The following CLXN variants were observed in gnomAD, a reference collection of about 807,000 sequenced individuals.
CLXN encodes calaxin, also known as EF-hand calcium binding domain 1.
the CLXN span, chr8:48,729,851 A>G: frequency 1.9e-6 from 3 of 1,612,534 alleles, no homozygotes; most frequent in Non-Finnish European, 1.7e-6. Flanking sequence ...TCACCATTCA[A>G]ATCAAACACT....
At chr8:48,728,095 A>G in the CLXN span, among the ~76,000 whole-genome samples, 2 of 152,078 alleles carry the variant, frequency 1.3e-5, no homozygotes, top group Non-Finnish European at 2.9e-5. Flanking sequence ...GGGAAGAGTG[A>G]TACTGTTTCT....
chr8:48,722,365 A>G, the CLXN span, among the ~76,000 whole-genome samples: 2 of 152,206 alleles, frequency 1.3e-5, no homozygotes, highest in African/African-American at 4.8e-5. Context: ...AGAAAGCAGT[A>G]TAGAGACTCT....
chr8:48,733,716 T>G, the CLXN span, among the ~76,000 whole-genome samples: 1 of 152,202 alleles, frequency 6.6e-6, no homozygotes, highest in East Asian at 1.9e-4. Context: ...AGCAGACTTT[T>G]TCCTGCCATA....
At chr8:48,719,800 C>T in the CLXN span, among the ~76,000 whole-genome samples, 1 of 152,208 alleles carries the variant, frequency 6.6e-6, no homozygotes, top group African/African-American at 2.4e-5. Flanking sequence ...GAAAAGCCCA[C>T]AGCTAACATC....
chr8:48,730,747 G>T, the CLXN span: 1 of 571,180 alleles, frequency 1.8e-6, no homozygotes. Context: ...GAACACTTCA[G>T]CTTGTGAAGT....
At chr8:48,713,225 T>C in the CLXN span, among the ~76,000 whole-genome samples, 1 of 152,296 alleles carries the variant, frequency 6.6e-6, no homozygotes, top group East Asian at 1.9e-4. Flanking sequence ...TTGGAAATAT[T>C]ACCAAACCAT....
chr8:48,724,827 T>C, the CLXN span: 2 of 1,600,436 alleles, frequency 1.2e-6, no homozygotes, highest in Non-Finnish European at 8.5e-7. Context: ...CTCAATTTAG[T>C]ATAAATTTCC....
At chr8:48,725,697 G>A in the CLXN span, among the ~76,000 whole-genome samples, 3 of 152,148 alleles carry the variant, frequency 2.0e-5, no homozygotes, top group Middle Eastern at 3.4e-3. Context: ...CCAGCTAGTC[G>A]GGAGGCTGAG....
At chr8:48,723,532 C>T in the CLXN span, 1 of 152,202 alleles carries the variant, frequency 6.6e-6, no homozygotes, top group Non-Finnish European at 1.5e-5. Flanking sequence ...CCCAACTAGC[C>T]TCTCAGTATT....
the CLXN span, among the ~76,000 whole-genome samples, chr8:48,732,349 C>A: frequency 6.6e-6 from 1 of 152,026 alleles, no homozygotes; most frequent in African/African-American, 2.4e-5. Flanking sequence ...AAGGACAAAA[C>A]CTGTGTGTGT....
At chr8:48,724,087 T>G in the CLXN span, 1 of 152,196 alleles carries the variant, frequency 6.6e-6, no homozygotes, top group Non-Finnish European at 1.5e-5. Flanking sequence ...GGACAGCCCA[T>G]TGTATGCAGA....
At chr8:48,723,888 G>T in the CLXN span, 1 of 152,586 alleles carries the variant, frequency 6.6e-6, no homozygotes, top group Non-Finnish European at 1.5e-5. Context: ...ACAGAGGGGG[G>T]CTTTGGCAAC....
the CLXN span, chr8:48,730,665 TG>T: frequency 2.1e-6 from 3 of 1,439,148 alleles, no homozygotes; most frequent in South Asian, 2.3e-5. Flanking sequence ...AGAGGTTAAA[TG>T]GAACACCTGT....
At chr8:48,728,341 T>G in the CLXN span, among the ~76,000 whole-genome samples, 45 of 152,326 alleles carry the variant, frequency 3.0e-4, 1 homozygote, top group East Asian at 6.6e-3. Flanking sequence ...GCTCAGATTA[T>G]TTTTCCCCAT....
chr8:48,716,880 T>A, the CLXN span, among the ~76,000 whole-genome samples: 5 of 149,966 alleles, frequency 3.3e-5, no homozygotes, highest in Admixed American at 2.7e-4. Context: ...AGAGAAAGAG[T>A]CAAGAATTTT....
the CLXN span, chr8:48,731,267 C>A: frequency 7.1e-7 from 1 of 1,400,276 alleles, no homozygotes; most frequent in Non-Finnish European, 9.4e-7. Context: ...AGCTTCCTAC[C>A]AAGAGGATGT....
the CLXN span, chr8:48,731,416 T>G: frequency 4.3e-6 from 7 of 1,613,472 alleles, no homozygotes; most frequent in Admixed American, 1.7e-5. Context: ...TGCATTACGA[T>G]CCAGTCCAAC....
chr8:48,733,379 C>A, the CLXN span, among the ~76,000 whole-genome samples: 1 of 152,102 alleles, frequency 6.6e-6, no homozygotes, highest in Non-Finnish European at 1.5e-5. Context: ...CTAAATGAAA[C>A]AAGAAAATTC....
chr8:48,714,164 AGTCG>A, the CLXN span, among the ~76,000 whole-genome samples: 1 of 152,220 alleles, frequency 6.6e-6, no homozygotes, highest in African/African-American at 2.4e-5. Context: ...CAAGCCTAGC[AGTCG>A]GGAGGTGAGG....
Sources: allele counts gnomAD v4.1 joint callset (sites outside exome capture counted in the v4.1 genomes callset), GRCh38; gene constraint gnomAD v4.1.1; transcripts MANE v1.5; gene names NCBI Gene and HGNC (gene_info 2026-07-23, HGNC 2026-07-21).